Variants in SENP5 observed in about 807,000 individuals in gnomAD.
The protein encoded by SENP5 is sentrin-specific protease 5.
SENP5 carries 21 observed loss-of-function variants against 74.2 expected under a neutral mutation model. That is an observed-to-expected ratio of 0.28 (90% CI 0.20 to 0.41). The LOEUF (loss-of-function observed/expected upper bound fraction) is 0.41, where lower values mean the gene tolerates loss of function less well. Among genes scored for constraint, SENP5 ranks in the 10% least tolerant of loss-of-function variants. The pLI is 1.00. For synonymous variants in SENP5, 311 were observed against 312.7 expected (o/e 0.99, Z 0.06); for missense variants, 717 against 889.1 (o/e 0.81, Z 2.46).
chr3:196,880,868 C>G (rs191401487), intron 1 of SENP5, among the ~76,000 whole-genome samples: 1 of 151,860 alleles, frequency 6.6e-6, no homozygotes, highest in African/African-American at 2.4e-5. Flanking sequence ...CTCGAACTCG[C>G]GACCTCAGGT....
At chr3:196,900,129 C>G (rs867462899) in intron 4 of SENP5, 67 bp downstream of exon 4, 3 of 1,548,634 alleles carry the variant, frequency 1.9e-6, no homozygotes, top group Middle Eastern at 1.7e-4. Flanking sequence ...AATATAATCT[C>G]TAGTTTGGCT....
At chr3:196,879,412 A>G (rs1713625111) in intron 1 of SENP5, among the ~76,000 whole-genome samples, 1 of 152,138 alleles carries the variant, frequency 6.6e-6, no homozygotes, top group Non-Finnish European at 1.5e-5. Flanking sequence ...CTCTGTACCT[A>G]CTACTAACTG....
intron 1 of SENP5, among the ~76,000 whole-genome samples, chr3:196,874,950 C>A (rs1713392038): frequency 6.6e-6 from 1 of 151,858 alleles, no homozygotes; most frequent in South Asian, 2.1e-4. Context: ...TTTACAAATT[C>A]TTTCTAGGTG....
intron 9 of SENP5, among the ~76,000 whole-genome samples, chr3:196,930,005 A>AC (rs1715972614): frequency 6.6e-6 from 1 of 151,908 alleles, no homozygotes; most frequent in African/African-American, 2.4e-5. Flanking sequence ...AAAAAAAAAA[A>AC]ACATTGGCAA....
intron 2 of SENP5, among the ~76,000 whole-genome samples, chr3:196,889,767 C>A (rs1299501439): frequency 6.6e-6 from 1 of 152,166 alleles, no homozygotes; most frequent in Non-Finnish European, 1.5e-5. Flanking sequence ...TCAGCTCCCA[C>A]TGGGCAAAAA....
intron 6 of SENP5, among the ~76,000 whole-genome samples, chr3:196,914,805 T>C (rs538703742): frequency 1.3e-5 from 2 of 151,772 alleles, no homozygotes; most frequent in African/African-American, 4.8e-5. Context: ...TCCTAGTACC[T>C]GGTTTTAACA....
Position 196,934,391 on chromosome 3 carries a change from T to TAATA in SENP5, c.*3469_*3472dup, listed in dbSNP as rs1411995679. The TAATA allele has an allele frequency of 1.1e-4, 16 of 152,270 alleles. No individual in the cohort carries two copies. The highest frequency in any genetic ancestry group is 2.1e-4 in the Non-Finnish European group (14 of 68,050). The allele number at this position is 152,270 out of a possible 1,614,324, so 9.4% of individuals were successfully genotyped here. On this transcript the variant is annotated 3_prime_UTR_variant, in exon 10 of 10. Transcript: ENST00000323460. The stretch of plus-strand genomic sequence containing the variant: ...CAGACTCTTCAGCAAGACAGTGTAT[T>TAATA]AATAGTGTGAATTAGATACACTGAT...
chr3:196,920,987 A>G (rs889862634), intron 6 of SENP5, among the ~76,000 whole-genome samples: 2 of 152,226 alleles, frequency 1.3e-5, no homozygotes, highest in African/African-American at 4.8e-5. Context: ...TCTCACAGGG[A>G]GGGCAACAAA....
At chr3:196,926,968 G>A (rs1199080579) in intron 7 of SENP5, among the ~76,000 whole-genome samples, 1 of 152,062 alleles carries the variant, frequency 6.6e-6, no homozygotes, top group Non-Finnish European at 1.5e-5. Context: ...TTGGGGGGTG[G>A]GGTGGGTTAT....
At chr3:196,902,432 G>C (rs906669057) in intron 5 of SENP5, among the ~76,000 whole-genome samples, 1 of 152,222 alleles carries the variant, frequency 6.6e-6, no homozygotes, top group Non-Finnish European at 1.5e-5. Context: ...ATGTCTGGCA[G>C]CTCTTTCAGT....
At chr3:196,899,268 A>G (rs1174913630) in intron 2 of SENP5, among the ~76,000 whole-genome samples, 4 of 152,182 alleles carry the variant, frequency 2.6e-5, no homozygotes, top group Non-Finnish European at 5.9e-5. Context: ...TTGTGATTTT[A>G]AAATAATAAT....
intron 9 of SENP5, 97 bp downstream of exon 9, chr3:196,929,780 C>CTCGTACCTAGCATCA: frequency 1.2e-6 from 1 of 817,538 alleles, no homozygotes; most frequent in Non-Finnish European, 2.1e-6. Flanking sequence ...GTATATGATG[C>CTCGTACCTAGCATCA]TAGGTACGAG....
rs566080601 is a variant in SENP5, at chr3:196,885,406, C to G, written c.225C>G (p.Pro75=). ...AGAAAACGTGGATCAAGGATGAACC[C>G]CTTTGTGCTAAGACCAAGTTCAATG... is the stretch of plus-strand genomic sequence containing the variant. The part of the protein sequence containing the change: ...QIQKTWIKDE[P]LCAKTKFNVA... Residue 75 remains proline, a synonymous_variant, in exon 2 of 10, where the codon CCC becomes CCG. Coordinates refer to ENST00000323460, the MANE Select transcript of SENP5 (RefSeq NM_152699.5). 7 of 1,614,058 alleles carry G rather than the reference C, an allele frequency of 4.3e-6. No homozygotes were observed. The highest frequency in any genetic ancestry group is 1.7e-5 in the Admixed American group (1 of 59,992).
chr3:196,890,900 T>G (rs1683003250), intron 2 of SENP5, among the ~76,000 whole-genome samples: 1 of 147,920 alleles, frequency 6.8e-6, no homozygotes, highest in African/African-American at 2.7e-5. Context: ...GATGGTTACT[T>G]CTTTTGGAGG....
chr3:196,888,711 A>G (rs1042950782), intron 2 of SENP5, among the ~76,000 whole-genome samples: 1 of 152,188 alleles, frequency 6.6e-6, no homozygotes, highest in Non-Finnish European at 1.5e-5. Flanking sequence ...GCATTTGTAT[A>G]GGACATCTGG....
Position 196,886,119 on chromosome 3 carries a change from G to T in SENP5, c.938G>T (p.Ser313Ile), listed in dbSNP as rs923997442. 4.3e-6 allele frequency: 7 copies of T among 1,614,130 alleles called. No individual in the cohort carries two copies. Among genetic ancestry groups the T allele is most frequent in the Non-Finnish European group, 5.9e-6 (7 of 1,180,044 alleles). The change falls in exon 2 of 10, where the codon AGT (serine) becomes ATT (isoleucine). Residue 313 changes from serine (S) to isoleucine (I), a missense_variant. Physicochemically the swap from Ser to Ile is moderately radical, Grantham distance 142. Around this residue, in one of 4 missense-constraint regions of SENP5, gnomAD observed 567 missense variants for 577.4 expected, o/e 0.98. Coordinates refer to ENST00000323460, the MANE Select transcript of SENP5 (RefSeq NM_152699.5). ...HQPYFPDMDS[S>I]AVVKGTNSHV... ...CCGTACTTTCCAGATATGGACAGCA[G>T]TGCTGTGGTGAAGGGGACGAACTCT...
rs202236468 is a variant in SENP5, at chr3:196,899,950, C to A, written c.1646C>A (p.Thr549Lys). The part of the protein sequence containing the change: ...NRKPFINREI[T>K]NYRARHQKCN... The stretch of plus-strand genomic sequence containing the variant: ...AAACCATTTATCAATAGGGAAATAA[C>A]AAACTATCGGGCCAGACATCAAAAA... Residue 549 changes from threonine to lysine, a missense_variant, in exon 4 of 10, where the codon ACA becomes AAA. Physicochemically the swap from Thr to Lys is moderately conservative, Grantham distance 78 (BLOSUM62 -1). Coordinates refer to ENST00000323460, the MANE Select transcript of SENP5 (RefSeq NM_152699.5). The A allele has an allele frequency of 3.1e-6, 5 of 1,613,732 alleles. No individual in the cohort carries two copies. The highest frequency in any genetic ancestry group is 4.2e-6 in the Non-Finnish European group (5 of 1,179,918).
chr3:196,901,139 G>C (rs964809953), intron 5 of SENP5, among the ~76,000 whole-genome samples: 1 of 149,686 alleles, frequency 6.7e-6, no homozygotes, highest in African/African-American at 2.5e-5. Context: ...TCCACCTCCT[G>C]GGTTCAAGCA....
chr3:196,900,677 C>T (rs1714661407), intron 5 of SENP5, among the ~76,000 whole-genome samples: 1 of 152,060 alleles, frequency 6.6e-6, no homozygotes, highest in Non-Finnish European at 1.5e-5. Flanking sequence ...CCTCCACCTC[C>T]CGGGTTCAAG....
Sources: allele counts gnomAD v4.1 joint callset (sites outside exome capture counted in the v4.1 genomes callset), GRCh38; gene constraint gnomAD v4.1.1; regional missense constraint gnomAD v4.1.1; transcripts MANE v1.5; gene names NCBI Gene and HGNC (gene_info 2026-07-23, HGNC 2026-07-21).